Variants in LPAR1 observed in about 807,000 individuals in gnomAD.
LPAR1 encodes LPA receptor 1.
A neutral mutation model predicts 23.8 loss-of-function variants in LPAR1; 5 were observed. That is an observed-to-expected ratio of 0.21 (90% CI 0.11 to 0.44). The LOEUF (loss-of-function observed/expected upper bound fraction) is 0.44. Ranked by LOEUF, LPAR1 falls within the 20% of genes least tolerant of loss-of-function variation. The pLI, the probability that LPAR1 is intolerant of heterozygous loss-of-function variation, is 0.99. For synonymous variants in LPAR1, 160 were observed against 164.7 expected (o/e 0.97, Z 0.22); for missense variants, 311 against 482.8 (o/e 0.64, Z 3.33).
At position 110,972,160 on chromosome 9, in the gene LPAR1, C is replaced by G; in HGVS notation, c.-43G>C. The stretch of plus-strand genomic sequence containing the variant: ...AGGTGGTGAACACGCCCCAGAACTA[C>G]GGGAGACAAATTTTCTTGTTTGCTG... On this transcript the variant is annotated 5_prime_UTR_variant, in exon 4 of 6. Transcript: ENST00000683809. The G allele has an allele frequency of 6.3e-7, 1 of 1,589,094 alleles. No homozygotes were observed. Among genetic ancestry groups the G allele is most frequent in the Non-Finnish European group, 8.6e-7 (1 of 1,157,484 alleles).
At chr9:110,926,477 T>C (rs1320743080) in intron 5 of LPAR1, among the ~76,000 whole-genome samples, 1 of 152,230 alleles carries the variant, frequency 6.6e-6, no homozygotes, top group African/African-American at 2.4e-5. Flanking sequence ...ATATGCCTAC[T>C]TGAAACATTC....
chr9:110,879,300 C>T (rs564925745), intron 5 of LPAR1, among the ~76,000 whole-genome samples: 2 of 151,674 alleles, frequency 1.3e-5, no homozygotes, highest in Admixed American at 1.3e-4. Context: ...CACCTGTGGT[C>T]CCAGCTACTT....
intron 2 of LPAR1, among the ~76,000 whole-genome samples, chr9:111,029,821 C>A (rs559596685): frequency 6.6e-6 from 1 of 151,772 alleles, no homozygotes; most frequent in Non-Finnish European, 1.5e-5. Context: ...GAGGCCGAGG[C>A]GGGTGGTTCA....
At chr9:110,999,665 C>G (rs953094014) in intron 2 of LPAR1, among the ~76,000 whole-genome samples, 2 of 152,134 alleles carry the variant, frequency 1.3e-5, no homozygotes, top group African/African-American at 4.8e-5. Context: ...AATTTAGCCT[C>G]ATAAGTGGAA....
chr9:110,901,871 T>C (rs1477640120), intron 5 of LPAR1, among the ~76,000 whole-genome samples: 4 of 152,188 alleles, frequency 2.6e-5, no homozygotes, highest in African/African-American at 9.7e-5. Flanking sequence ...ATTTTTTCTA[T>C]AATGAGTAGT....
chr9:110,982,484 T>C lies in LPAR1; in HGVS notation c.-181-8926A>G, dbSNP rs553702449. Among the ~76,000 whole-genome samples, 340 of 151,766 alleles carry C rather than the reference T, an allele frequency of 2.2e-3. 1 individual carries two copies. Among genetic ancestry groups the C allele is most frequent in the African/African-American group, 7.9e-3 (327 of 41,382 alleles). On this transcript the variant is annotated intron_variant, in intron 2 of 5. Coordinates refer to ENST00000683809, the MANE Select transcript of LPAR1 (RefSeq NM_001351411.2). ...CACACTGGGGCCTGTCAGGGGGTGA[T>C]GGACTAGGGGAGGGATAGCATTAGG...
chr9:110,895,330 T>C (rs1203137029), intron 5 of LPAR1, among the ~76,000 whole-genome samples: 1 of 152,190 alleles, frequency 6.6e-6, no homozygotes, highest in African/African-American at 2.4e-5. Context: ...CAGCCAGGCA[T>C]AGCCAGCAAA....
intron 5 of LPAR1, among the ~76,000 whole-genome samples, chr9:110,915,148 TTTTC>T (rs2092936525): frequency 6.6e-6 from 1 of 152,200 alleles, no homozygotes; most frequent in South Asian, 2.1e-4. Flanking sequence ...GATTCATAGT[TTTTC>T]TTTATCTTCT....
chr9:110,917,352 A>AAAT (rs1228525273), intron 5 of LPAR1, among the ~76,000 whole-genome samples: 5 of 152,034 alleles, frequency 3.3e-5, no homozygotes, highest in African/African-American at 2.4e-5. Context: ...TCCATCTCAA[A>AAAT]AATAATAATA....
intron 4 of LPAR1, among the ~76,000 whole-genome samples, chr9:110,957,511 C>CA (rs906966826): frequency 2.2e-4 from 34 of 151,632 alleles, no homozygotes; most frequent in African/African-American, 8.2e-4. Context: ...TCAATAGATG[C>CA]AAAAAAAATT....
intron 4 of LPAR1, among the ~76,000 whole-genome samples, chr9:110,961,869 A>C (rs1476012233): frequency 2.0e-5 from 3 of 152,138 alleles, no homozygotes; most frequent in African/African-American, 7.2e-5. Flanking sequence ...ATTACCTCCC[A>C]CCAGGTCCCT....
chr9:110,988,021 G>A (rs2096824169), intron 2 of LPAR1, among the ~76,000 whole-genome samples: 2 of 151,886 alleles, frequency 1.3e-5, no homozygotes, highest in South Asian at 4.2e-4. Flanking sequence ...ACAAGGATAA[G>A]AATGACAGCA....
chr9:111,019,821 G>A (rs1213759714), intron 2 of LPAR1, among the ~76,000 whole-genome samples: 1 of 152,192 alleles, frequency 6.6e-6, no homozygotes, highest in Non-Finnish European at 1.5e-5. Flanking sequence ...CATCAGCCTG[G>A]GCGACAGAGT....
intron 5 of LPAR1, among the ~76,000 whole-genome samples, chr9:110,920,415 T>C (rs528339035): frequency 6.6e-6 from 1 of 152,358 alleles, no homozygotes; most frequent in Admixed American, 6.5e-5. Context: ...TTATTTCTAA[T>C]GAGAGAGCAT....
chr9:110,930,786 G>C (rs533329862), intron 5 of LPAR1, among the ~76,000 whole-genome samples: 1 of 151,670 alleles, frequency 6.6e-6, no homozygotes, highest in South Asian at 2.1e-4. Context: ...GTGGTGGCGC[G>C]TGCCTATAGT....
intron 2 of LPAR1, among the ~76,000 whole-genome samples, chr9:111,012,893 G>C (rs978964634): frequency 6.6e-6 from 1 of 152,082 alleles, no homozygotes; most frequent in African/African-American, 2.4e-5. Context: ...GACTGGACAG[G>C]ACAGACCAGC....
intron 2 of LPAR1, among the ~76,000 whole-genome samples, chr9:111,016,266 C>CA (rs2097443220): frequency 6.6e-6 from 1 of 152,172 alleles, no homozygotes; most frequent in Non-Finnish European, 1.5e-5. Context: ...GTCACAAGCA[C>CA]AAATACCCAC....
intron 4 of LPAR1, among the ~76,000 whole-genome samples, chr9:110,952,362 A>G (rs528223130): frequency 2.0e-5 from 3 of 152,276 alleles, no homozygotes; most frequent in Admixed American, 6.5e-5. Flanking sequence ...GCGTTACTCC[A>G]GAGACAGAGC....
At chr9:111,015,040 C>G (rs1289134814) in intron 2 of LPAR1, among the ~76,000 whole-genome samples, 18 of 152,106 alleles carry the variant, frequency 1.2e-4, no homozygotes. Flanking sequence ...AAGTTGGACA[C>G]AGGCAGGTAC....
Sources: allele counts gnomAD v4.1 joint callset (sites outside exome capture counted in the v4.1 genomes callset), GRCh38; gene constraint gnomAD v4.1.1; transcripts MANE v1.5; gene names NCBI Gene and HGNC (gene_info 2026-07-23, HGNC 2026-07-21).